The following THSD4 variants were observed in gnomAD, a reference collection of about 807,000 sequenced individuals.
THSD4 encodes thrombospondin type-1 domain-containing protein 4.
In THSD4, 69 loss-of-function variants were observed where a neutral mutation model predicts 119.0. The ratio of observed to expected loss-of-function variants is 0.58; its 90% CI spans 0.48 to 0.71. The LOEUF is 0.71. THSD4 is among the 30% of genes least tolerant of loss of function. The probability of loss-of-function intolerance (pLI) is 0.00; values close to 1 mark genes in which losing one functional copy is unlikely to be tolerated. For synonymous variants in THSD4, 524 were observed against 540.4 expected (o/e 0.97, Z 0.42); for missense variants, 1,393 against 1,391.1 (o/e 1.00, Z -0.02).
At chr15:71,167,494 A>G (rs2043304749) in intron 3 of THSD4, among the ~76,000 whole-genome samples, 1 of 152,240 alleles carries the variant, frequency 6.6e-6, no homozygotes. Context: ...GTGTTTTGGA[A>G]TTTGAAGTGG....
intron 10 of THSD4, among the ~76,000 whole-genome samples, chr15:71,734,121 T>C (rs1363739200): frequency 6.6e-6 from 1 of 152,138 alleles, no homozygotes; most frequent in Non-Finnish European, 1.5e-5. Context: ...CTTGTAGTTT[T>C]AACTGTGTTC....
At chr15:71,219,309 G>T (rs1397613714) in intron 4 of THSD4, among the ~76,000 whole-genome samples, 1 of 152,170 alleles carries the variant, frequency 6.6e-6, no homozygotes, top group Non-Finnish European at 1.5e-5. Flanking sequence ...AGCCAAGTTT[G>T]GGAAGCACTG....
At chr15:71,524,532 C>T (rs574242902) in intron 7 of THSD4, among the ~76,000 whole-genome samples, 1 of 150,198 alleles carries the variant, frequency 6.7e-6, no homozygotes, top group South Asian at 2.1e-4. Context: ...TAATGTCTGC[C>T]ATGAGCACAG....
At chr15:71,271,191 T>A (rs913590296) in intron 6 of THSD4, among the ~76,000 whole-genome samples, 1 of 152,200 alleles carries the variant, frequency 6.6e-6, no homozygotes, top group South Asian at 2.1e-4. Flanking sequence ...AGCACCTTTT[T>A]TCATATTAGC....
intron 3 of THSD4, among the ~76,000 whole-genome samples, chr15:71,181,056 C>T (rs898711160): frequency 8.4e-4 from 128 of 152,196 alleles, no homozygotes; most frequent in African/African-American, 3.0e-3. Flanking sequence ...GACCAGAAAA[C>T]AAAGATGCTC....
At position 71,551,649 on chromosome 15, in the gene THSD4, G is replaced by GT. The variant is rs1007672969; in HGVS notation, c.1153-108872dup. The stretch of plus-strand genomic sequence containing the variant: ...GGGAAACGAGATGGAAGCTCCCGAG[G>GT]TTTTTTTTTCCCAGGGAAGGCACGC... On this transcript the variant is annotated intron_variant, in intron 7 of 17. Transcript: ENST00000261862. Among the ~76,000 whole-genome samples, 51 of 151,660 alleles carry GT rather than the reference G, an allele frequency of 3.4e-4. 1 individual carries two copies. Among genetic ancestry groups the GT allele is most frequent in the South Asian group, 1.3e-3 (6 of 4,776 alleles).
At chr15:71,756,915 G>A (rs1207048815) in intron 14 of THSD4, among the ~76,000 whole-genome samples, 1 of 152,218 alleles carries the variant, frequency 6.6e-6, no homozygotes, top group East Asian at 1.9e-4. Context: ...TATCCTAGGA[G>A]AGGACAGTGT....
chr15:71,196,980 C>A (rs183802650), intron 3 of THSD4, among the ~76,000 whole-genome samples: 1 of 152,128 alleles, frequency 6.6e-6, no homozygotes, highest in Admixed American at 6.5e-5. Flanking sequence ...CTCATTCAAC[C>A]CACTATGCAT....
At chr15:71,558,595 A>G (rs994414660) in intron 7 of THSD4, among the ~76,000 whole-genome samples, 6 of 152,078 alleles carry the variant, frequency 3.9e-5, no homozygotes, top group African/African-American at 1.4e-4. Context: ...CAGCTTCCCC[A>G]GTAGCTGGGA....
intron 6 of THSD4, among the ~76,000 whole-genome samples, chr15:71,362,951 C>T (rs1346743312): frequency 4.3e-5 from 6 of 139,324 alleles, no homozygotes; most frequent in African/African-American, 8.2e-5. Context: ...TTCACTAACA[C>T]GAATGATAGC....
At position 71,241,131 on chromosome 15, in the gene THSD4, T is replaced by C. The variant is rs546002505; in HGVS notation, c.465-1518T>C. ...CACCTTGATTGCTATTTTAATGTGC[T>C]TATTTTAATGGGGCCATCCTGTAGA... On this transcript the variant is annotated intron_variant, in intron 4 of 17. Transcript: ENST00000261862. Among the ~76,000 whole-genome samples, 10 of 152,370 alleles carry C rather than the reference T, an allele frequency of 6.6e-5. No homozygotes were observed. The South Asian group carries it at 2.1e-3, about 32-fold the overall frequency.
At chr15:71,185,679 G>A (rs2043593380) in intron 3 of THSD4, 1 of 152,146 alleles carries the variant, frequency 6.6e-6, no homozygotes, top group Non-Finnish European at 1.5e-5. Context: ...CCTTTCACAG[G>A]GAAGACGTGT....
chr15:71,097,864 G>T (rs991493309), intron 1 of THSD4, among the ~76,000 whole-genome samples: 1 of 151,556 alleles, frequency 6.6e-6, no homozygotes, highest in Admixed American at 6.6e-5. Context: ...ATGAAACTGA[G>T]GCAAGTTTTT....
At chr15:71,406,871 A>G (rs886313954) in intron 6 of THSD4, among the ~76,000 whole-genome samples, 8 of 151,654 alleles carry the variant, frequency 5.3e-5, no homozygotes, top group South Asian at 4.2e-4. Context: ...TTTAATAAAG[A>G]TAGGGTTTTG....
At chr15:71,324,031 C>T (rs1567195705) in intron 6 of THSD4, among the ~76,000 whole-genome samples, 1 of 152,182 alleles carries the variant, frequency 6.6e-6, no homozygotes, top group African/African-American at 2.4e-5. Flanking sequence ...AGTGATTCTA[C>T]TACAGCAGTG....
At chr15:71,372,178 G>A (rs924284038) in intron 6 of THSD4, among the ~76,000 whole-genome samples, 1 of 152,170 alleles carries the variant, frequency 6.6e-6, no homozygotes, top group African/African-American at 2.4e-5. Flanking sequence ...TTAGCCATTT[G>A]TCTAATCTTT....
intron 6 of THSD4, among the ~76,000 whole-genome samples, chr15:71,340,405 A>G (rs1292967551): frequency 6.6e-6 from 1 of 152,182 alleles, no homozygotes; most frequent in South Asian, 2.1e-4. Context: ...CCAAAATGCC[A>G]TCCACCCTGT....
At chr15:71,228,261 G>A (rs2044033993) in intron 4 of THSD4, among the ~76,000 whole-genome samples, 1 of 152,060 alleles carries the variant, frequency 6.6e-6, no homozygotes, top group Non-Finnish European at 1.5e-5. Flanking sequence ...AATAGAGAGA[G>A]ACTTGAAGAT....
At chr15:71,212,288 A>G (rs1025017259) in intron 3 of THSD4, among the ~76,000 whole-genome samples, 4 of 152,216 alleles carry the variant, frequency 2.6e-5, no homozygotes, top group Non-Finnish European at 5.9e-5. Flanking sequence ...ACTCAGATGG[A>G]ATTTCAAGTC....
Sources: gnomAD v4.1 joint callset for allele counts (sites outside exome capture counted in the v4.1 genomes callset) on GRCh38, gnomAD v4.1.1 for gene constraint, MANE v1.5 for transcripts, NCBI Gene and HGNC (gene_info 2026-07-23, HGNC 2026-07-21) for gene names.